Variants in CCDC148 observed in about 807,000 individuals in gnomAD.
CCDC148 encodes coiled-coil domain-containing protein 148.
In CCDC148, 89 loss-of-function variants were observed where a neutral mutation model predicts 85.7. That is an observed-to-expected ratio of 1.04 (90% CI 0.87 to 1.24). The LOEUF is 1.24. CCDC148 is among the 50% of genes most tolerant of loss of function. The probability of loss-of-function intolerance (pLI) is 0.00; values close to 1 mark genes in which losing one functional copy is unlikely to be tolerated. For missense variants in CCDC148, 692 were observed against 671.7 expected (o/e 1.03, Z -0.33); for synonymous variants, 230 against 213.9 (o/e 1.08, Z -0.66).
intron 1 of CCDC148, among the ~76,000 whole-genome samples, chr2:158,428,554 G>C (rs113464607): frequency 6.6e-6 from 1 of 151,636 alleles, no homozygotes; most frequent in African/African-American, 2.4e-5. Context: ...GAGAGGGCTA[G>C]GCTGGAAATA....
chr2:158,253,827 G>A (rs1274655681), intron 9 of CCDC148, among the ~76,000 whole-genome samples: 1 of 151,502 alleles, frequency 6.6e-6, no homozygotes, highest in East Asian at 1.9e-4. Flanking sequence ...GATCAAGCTG[G>A]AAACAAACAT....
At chr2:158,444,518 T>C (rs1688076427) in intron 1 of CCDC148, among the ~76,000 whole-genome samples, 1 of 152,114 alleles carries the variant, frequency 6.6e-6, no homozygotes, top group Non-Finnish European at 1.5e-5. Flanking sequence ...CAGTGGCTCA[T>C]GCCTGCAATC....
intron 13 of CCDC148, among the ~76,000 whole-genome samples, chr2:158,174,666 C>A (rs532661065): frequency 1.3e-5 from 2 of 152,132 alleles, no homozygotes; most frequent in Admixed American, 1.3e-4. Context: ...TCCTAGGCTA[C>A]AGCCTGTACA....
intron 1 of CCDC148, among the ~76,000 whole-genome samples, chr2:158,438,336 C>T (rs1420505641): frequency 6.6e-6 from 1 of 152,130 alleles, no homozygotes; most frequent in East Asian, 1.9e-4. Flanking sequence ...CTACAACCAT[C>T]TGATCTTTGA....
chr2:158,447,825 CA>C (rs1413528973), intron 1 of CCDC148, among the ~76,000 whole-genome samples: 12 of 152,132 alleles, frequency 7.9e-5, no homozygotes, highest in Non-Finnish European at 1.5e-4. Context: ...GGAATTTTTT[CA>C]CAGGCTGTTA....
At chr2:158,433,725 A>G (rs1486477628) in intron 1 of CCDC148, among the ~76,000 whole-genome samples, 2 of 152,184 alleles carry the variant, frequency 1.3e-5, no homozygotes, top group East Asian at 3.9e-4. Flanking sequence ...TTTCCTAGCC[A>G]AAGGAAGCTG....
chr2:158,355,046 T>C (rs1207501746), intron 2 of CCDC148, among the ~76,000 whole-genome samples: 1 of 152,088 alleles, frequency 6.6e-6, no homozygotes, highest in East Asian at 1.9e-4. Flanking sequence ...TGCTAAAAAC[T>C]CTCAATAAAT....
intron 1 of CCDC148, among the ~76,000 whole-genome samples, chr2:158,361,763 C>T (rs1360407501): frequency 6.6e-6 from 1 of 151,866 alleles, no homozygotes; most frequent in African/African-American, 2.4e-5. Flanking sequence ...GAAACAACAA[C>T]AGACAAAATA....
intron 1 of CCDC148, among the ~76,000 whole-genome samples, chr2:158,404,213 A>G (rs1226417539): frequency 2.6e-5 from 4 of 152,118 alleles, no homozygotes; most frequent in Non-Finnish European, 4.4e-5. Flanking sequence ...GGCACTCCTG[A>G]GGTTGAAAGG....
chr2:158,346,422 C>T (rs1212096202), intron 2 of CCDC148, among the ~76,000 whole-genome samples: 1 of 152,264 alleles, frequency 6.6e-6, no homozygotes. Flanking sequence ...TTTGGCATGG[C>T]CTTGCTTCTT....
intron 10 of CCDC148, among the ~76,000 whole-genome samples, chr2:158,234,454 G>A (rs1195647925): frequency 2.0e-5 from 3 of 151,956 alleles, no homozygotes; most frequent in African/African-American, 7.3e-5. Flanking sequence ...ACCTCTGGTA[G>A]GAGGGTAAAT....
At chr2:158,173,236 A>G (rs1200159732) in intron 13 of CCDC148, among the ~76,000 whole-genome samples, 1 of 151,992 alleles carries the variant, frequency 6.6e-6, no homozygotes, top group Non-Finnish European at 1.5e-5. Flanking sequence ...AAAGGAAGAC[A>G]CCTACAAACT....
At chr2:158,323,715 T>C (rs141036083) in intron 7 of CCDC148, among the ~76,000 whole-genome samples, 137 of 152,286 alleles carry the variant, frequency 9.0e-4, no homozygotes, top group African/African-American at 3.3e-3. Flanking sequence ...AGTTTCTTCA[T>C]CTGTAAAACA....
intron 2 of CCDC148, among the ~76,000 whole-genome samples, chr2:158,357,488 C>A (rs533190526): frequency 6.6e-6 from 1 of 152,094 alleles, no homozygotes; most frequent in South Asian, 2.1e-4. Context: ...TTTATGTTTA[C>A]ATATATGTGT....
chr2:158,195,692 A>C (rs189327102), intron 11 of CCDC148, among the ~76,000 whole-genome samples: 1 of 152,168 alleles, frequency 6.6e-6, no homozygotes, highest in Non-Finnish European at 1.5e-5. Flanking sequence ...GCTGCTTCCA[A>C]AGCAATCTGC....
intron 1 of CCDC148, among the ~76,000 whole-genome samples, chr2:158,430,926 A>G (rs753864812): frequency 3.1e-4 from 47 of 152,250 alleles, no homozygotes; most frequent in Non-Finnish European, 5.4e-4. Context: ...CTGAAAAAAT[A>G]TAATATGTAA....
At chr2:158,319,386 C>T (rs558543676) in intron 7 of CCDC148, among the ~76,000 whole-genome samples, 2 of 152,184 alleles carry the variant, frequency 1.3e-5, no homozygotes, top group Non-Finnish European at 2.9e-5. Flanking sequence ...GACAAAAGAT[C>T]GAATTCTGGC....
intron 2 of CCDC148, among the ~76,000 whole-genome samples, chr2:158,351,638 G>T (rs565259220): frequency 7.2e-5 from 11 of 152,160 alleles, no homozygotes; most frequent in African/African-American, 2.2e-4. Flanking sequence ...AGGCGGCAGC[G>T]AGGCTGGGGG....
chr2:158,354,541 C>A (rs1447270054), intron 2 of CCDC148, among the ~76,000 whole-genome samples: 4 of 152,292 alleles, frequency 2.6e-5, no homozygotes, highest in African/African-American at 9.6e-5. Flanking sequence ...GAAGTTGAAT[C>A]TCTGAATAGA....
Sources: gnomAD v4.1 joint callset for allele counts (sites outside exome capture counted in the v4.1 genomes callset) on GRCh38, gnomAD v4.1.1 for gene constraint, MANE v1.5 for transcripts, NCBI Gene and HGNC (gene_info 2026-07-23, HGNC 2026-07-21) for gene names.